The following TCEA1 variants were observed in gnomAD, a reference collection of about 807,000 sequenced individuals.
TCEA1 encodes the protein transcription elongation factor A protein 1.
Under a neutral mutation model 43.8 loss-of-function variants are expected in TCEA1, and 21 were observed. The ratio of observed to expected loss-of-function variants is 0.48; its 90% CI spans 0.34 to 0.69. TCEA1 has a LOEUF of 0.69. Ranked by LOEUF, TCEA1 falls within the 30% of genes least tolerant of loss-of-function variation. The pLI, the probability that TCEA1 is intolerant of heterozygous loss-of-function variation, is 0.01. For missense variants in TCEA1, 250 were observed against 365.1 expected, an observed-to-expected ratio of 0.68 and a Z score of 2.57; for synonymous variants, 104 against 117.5, an observed-to-expected ratio of 0.88 and a Z score of 0.75.
chr8:54,004,167 C>T (rs1804365187), intron 2 of TCEA1, among the ~76,000 whole-genome samples: 1 of 152,100 alleles, frequency 6.6e-6, no homozygotes, highest in Admixed American at 6.5e-5. Flanking sequence ...AAACTGGACC[C>T]CTCGTTTACT....
chr8:53,970,581 T>C (rs1563458246), intron 8 of TCEA1, 118 bp from the exon 9 acceptor site: 13 of 575,160 alleles, frequency 2.3e-5, no homozygotes, highest in East Asian at 3.0e-5. Context: ...ATAAAATGAA[T>C]AGAAGTCTGA....
At chr8:53,992,350 C>T (rs768372746) in intron 4 of TCEA1, among the ~76,000 whole-genome samples, 3 of 151,990 alleles carry the variant, frequency 2.0e-5, no homozygotes, top group East Asian at 1.9e-4. Context: ...CAGTGGCTCA[C>T]GCCTGTAATC....
At chr8:53,975,024 T>C (rs1297065373) in intron 8 of TCEA1, among the ~76,000 whole-genome samples, 1 of 152,104 alleles carries the variant, frequency 6.6e-6, no homozygotes, top group Non-Finnish European at 1.5e-5. Context: ...GAAGAACTTT[T>C]TGTTGTTTAT....
chr8:54,008,657 A>T (rs1804553971), intron 2 of TCEA1, among the ~76,000 whole-genome samples: 1 of 124,236 alleles, frequency 8.0e-6, no homozygotes, highest in East Asian at 4.3e-4. Context: ...CAGAGACCTT[A>T]TCTTAAAAAA....
chr8:53,994,471 A>G (rs1803983245), intron 3 of TCEA1, among the ~76,000 whole-genome samples: 1 of 152,212 alleles, frequency 6.6e-6, no homozygotes, highest in Non-Finnish European at 1.5e-5. Context: ...GATGGTAAAC[A>G]AAAAACACTT....
chr8:54,002,257 GT>G (rs1804293969), intron 2 of TCEA1, among the ~76,000 whole-genome samples: 1 of 151,686 alleles, frequency 6.6e-6, no homozygotes, highest in South Asian at 2.1e-4. Flanking sequence ...GGATCACGAG[GT>G]CGGGAGATTA....
chr8:54,008,728 G>A lies in TCEA1; in HGVS notation c.126+1702C>T, dbSNP rs187667208. Among the ~76,000 whole-genome samples, 457 of 151,688 alleles carry A rather than the reference G, an allele frequency of 3.0e-3. 4 individuals carry two copies. The highest frequency in any genetic ancestry group is 7.3e-3 in the South Asian group (35 of 4,802). ...TTTCTCAAAACAAGACATACGAGTG[G>A]TCAACAGGTATAAGAAAAAATGTTC... On this transcript the variant is annotated intron_variant, in intron 2 of 9. Transcript: ENST00000521604.
At chr8:53,968,252 A>G in intron 9 of TCEA1, 140 bp from the exon 10 acceptor site, 1 of 597,654 alleles carries the variant, frequency 1.7e-6, no homozygotes, top group Non-Finnish European at 2.7e-6. Context: ...ACACATAATA[A>G]TCACCTATCT....
intron 2 of TCEA1, among the ~76,000 whole-genome samples, chr8:54,003,543 CA>C (rs1804341709): frequency 6.6e-6 from 1 of 152,176 alleles, no homozygotes; most frequent in Admixed American, 6.5e-5. Flanking sequence ...TAAATTCCTA[CA>C]TTTTTCATCA....
At chr8:54,012,729 C>T (rs1223848858) in intron 1 of TCEA1, among the ~76,000 whole-genome samples, 1 of 151,964 alleles carries the variant, frequency 6.6e-6, no homozygotes, top group Non-Finnish European at 1.5e-5. Context: ...TTTTGATTAA[C>T]AAACTCTAGA....
rs746839913 is a variant in TCEA1 at position 53,986,958 on chromosome 8, A to T, written c.523+11T>A. The T allele has an allele frequency of 1.9e-6, 3 of 1,577,700 alleles. No homozygotes were observed. The highest frequency in any genetic ancestry group is 2.4e-5 in the South Asian group (2 of 84,568). On this transcript the variant is annotated intron_variant, in intron 6 of 9. Transcript: ENST00000521604. Reference sequence around the variant, plus strand: ...AAAAAAAACAATTATGAATATACACACAAAGGATATCTTCTTCAATTTGAG... The same window carrying T: ...AAAAAAAACAATTATGAATATACACTCAAAGGATATCTTCTTCAATTTGAG...
chr8:53,978,261 A>T (rs1585992497), intron 8 of TCEA1, among the ~76,000 whole-genome samples: 3 of 152,170 alleles, frequency 2.0e-5, no homozygotes, highest in South Asian at 4.1e-4. Flanking sequence ...ATTTTTTTTA[A>T]AAAAAATCAT....
intron 8 of TCEA1, chr8:53,973,473 G>A: frequency 2.0e-6 from 1 of 495,668 alleles, no homozygotes; most frequent in South Asian, 1.7e-5. Context: ...TGCTAAAGAA[G>A]TTTAAAAAAA....
chr8:53,982,425 T>C (rs1803540871), intron 7 of TCEA1, among the ~76,000 whole-genome samples: 2 of 151,864 alleles, frequency 1.3e-5, no homozygotes, highest in Admixed American at 6.6e-5. Flanking sequence ...CTGCCCAACA[T>C]GGTGAAACCC....
chr8:54,001,331 G>A (rs556290863), intron 2 of TCEA1, among the ~76,000 whole-genome samples: 86 of 152,118 alleles, frequency 5.7e-4, no homozygotes, highest in Admixed American at 1.2e-3. Flanking sequence ...AAAAATATAC[G>A]GGTACTTGAG....
intron 3 of TCEA1, among the ~76,000 whole-genome samples, chr8:53,995,118 T>C (rs530139084): frequency 9.2e-5 from 14 of 151,992 alleles, no homozygotes; most frequent in Non-Finnish European, 1.5e-4. Flanking sequence ...CTAGCCAATA[T>C]GGTGAAACCC....
At chr8:53,995,826 C>T (rs1326930819) in intron 3 of TCEA1, among the ~76,000 whole-genome samples, 3 of 152,206 alleles carry the variant, frequency 2.0e-5, no homozygotes, top group Non-Finnish European at 4.4e-5. Flanking sequence ...GTTGAAATCA[C>T]AACTGTAGAA....
At chr8:53,996,903 C>CTTTTTGTTTTTTTTTTTTTT in intron 3 of TCEA1, among the ~76,000 whole-genome samples, 1 of 116,626 alleles carries the variant, frequency 8.6e-6, no homozygotes, top group Non-Finnish European at 1.6e-5. Flanking sequence ...AGAAGGTTGT[C>CTTTTTGTTTTTTTTTTTTTT]TTTTTTTTTT....
chr8:53,973,213 G>C, intron 8 of TCEA1: 1 of 475,142 alleles, frequency 2.1e-6, no homozygotes, highest in Non-Finnish European at 3.9e-6. Flanking sequence ...GGCAACTTTT[G>C]CAGGTTATTC....
Sources: allele counts gnomAD v4.1 joint callset (sites outside exome capture counted in the v4.1 genomes callset), GRCh38; gene constraint gnomAD v4.1.1; transcripts MANE v1.5; gene names NCBI Gene and HGNC (gene_info 2026-07-23, HGNC 2026-07-21).